The following USH2A variants were observed in gnomAD, a reference collection of about 807,000 sequenced individuals.
The protein encoded by USH2A is usherin.
Under a neutral mutation model 538.9 loss-of-function variants are expected in USH2A, and 443 were observed. The observed-to-expected ratio is 0.82, with a 90% CI of 0.76 to 0.89. USH2A has a LOEUF of 0.89. Ranked by LOEUF, USH2A falls within the 40% of genes least tolerant of loss-of-function variation. The pLI is 0.00. For synonymous variants in USH2A, 2,413 were observed against 2,273.5 expected (o/e 1.06, Z -1.75); for missense variants, 6,633 against 6,324.8 (o/e 1.05, Z -1.65).
intron 50 of USH2A, among the ~76,000 whole-genome samples, chr1:215,791,200 G>A (rs530628375): frequency 5.3e-4 from 80 of 152,256 alleles, no homozygotes; most frequent in African/African-American, 1.9e-3. Flanking sequence ...AATCAAGGTG[G>A]CTATACTGCA....
At chr1:216,221,304 A>C (rs2035453813) in intron 14 of USH2A, among the ~76,000 whole-genome samples, 1 of 152,156 alleles carries the variant, frequency 6.6e-6, no homozygotes, top group Admixed American at 6.6e-5. Flanking sequence ...CTCTTAAACC[A>C]GTGTTCTCAG....
intron 32 of USH2A, among the ~76,000 whole-genome samples, chr1:216,027,387 C>A (rs1277715841): frequency 6.6e-6 from 1 of 152,118 alleles, no homozygotes; most frequent in Non-Finnish European, 1.5e-5. Context: ...CTTCTAGCAC[C>A]CAGAACTGTA....
intron 21 of USH2A, among the ~76,000 whole-genome samples, chr1:216,154,685 C>T (rs2102623306): frequency 6.6e-6 from 1 of 152,260 alleles, no homozygotes; most frequent in Non-Finnish European, 1.5e-5. Context: ...CTGCTGATCT[C>T]CTTTTTGTCA....
At chr1:216,170,306 A>C (rs967770018) in intron 21 of USH2A, among the ~76,000 whole-genome samples, 1 of 152,134 alleles carries the variant, frequency 6.6e-6, no homozygotes, top group African/African-American at 2.4e-5. Context: ...AAAGCATTTT[A>C]GTTCAACCAT....
chr1:216,239,028 G>C (rs1204973938), intron 13 of USH2A, among the ~76,000 whole-genome samples: 1 of 150,762 alleles, frequency 6.6e-6, no homozygotes, highest in Non-Finnish European at 1.5e-5. Flanking sequence ...GCAAACATCT[G>C]TTTATGATAA....
chr1:216,192,374 T>C (rs888775420), intron 19 of USH2A, among the ~76,000 whole-genome samples: 2 of 152,014 alleles, frequency 1.3e-5, no homozygotes, highest in Non-Finnish European at 2.9e-5. Flanking sequence ...CAGAGAATAT[T>C]TGCACAGGAG....
intron 30 of USH2A, among the ~76,000 whole-genome samples, chr1:216,068,504 A>G (rs559185419): frequency 5.6e-4 from 85 of 152,262 alleles, no homozygotes; most frequent in African/African-American, 2.0e-3. Flanking sequence ...TGGGCAGGGC[A>G]GGAGAATGTG....
At chr1:216,091,690 T>A (rs1451497998) in intron 22 of USH2A, among the ~76,000 whole-genome samples, 1 of 152,202 alleles carries the variant, frequency 6.6e-6, no homozygotes, top group East Asian at 1.9e-4. Flanking sequence ...AATTTAATAC[T>A]CAATTTTATT....
At chr1:215,872,454 A>G (rs1664648295) in intron 43 of USH2A, among the ~76,000 whole-genome samples, 1 of 152,138 alleles carries the variant, frequency 6.6e-6, no homozygotes, top group African/African-American at 2.4e-5. Flanking sequence ...ATCTATATCT[A>G]CACTACCAGA....
At chr1:216,392,420 A>G (rs1415491987) in intron 3 of USH2A, among the ~76,000 whole-genome samples, 1 of 143,194 alleles carries the variant, frequency 7.0e-6, no homozygotes, top group Non-Finnish European at 1.5e-5. Flanking sequence ...TGACCCCAAG[A>G]GGCAGAGCTT....
At chr1:215,885,383 C>CT (rs549709459) in intron 41 of USH2A, among the ~76,000 whole-genome samples, 1 of 151,982 alleles carries the variant, frequency 6.6e-6, no homozygotes, top group Non-Finnish European at 1.5e-5. Context: ...ATTTGGTAAT[C>CT]TTTTATTTAG....
chr1:215,794,093 G>A (rs929763352), intron 50 of USH2A, among the ~76,000 whole-genome samples: 11 of 152,080 alleles, frequency 7.2e-5, no homozygotes, highest in Admixed American at 3.9e-4. Flanking sequence ...CTTTCATCCC[G>A]AGATACCTGT....
chr1:216,078,597 G>T (rs1230207841), intron 26 of USH2A, among the ~76,000 whole-genome samples: 1 of 152,122 alleles, frequency 6.6e-6, no homozygotes, highest in Middle Eastern at 3.2e-3. Context: ...ACCTACTAAT[G>T]ATTATAGGAT....
intron 30 of USH2A, among the ~76,000 whole-genome samples, chr1:216,050,674 G>A (rs542755751): frequency 6.1e-4 from 87 of 142,676 alleles, no homozygotes; most frequent in African/African-American, 2.2e-3. Context: ...GTGCGATCTC[G>A]GCTCACTGCA....
intron 64 of USH2A, among the ~76,000 whole-genome samples, chr1:215,652,862 A>G (rs1657123825): frequency 1.3e-5 from 2 of 152,348 alleles, no homozygotes; most frequent in South Asian, 4.1e-4. Context: ...ATTTGAGCGC[A>G]GGCAGAATTT....
intron 38 of USH2A, among the ~76,000 whole-genome samples, chr1:215,917,460 T>C (rs1046652355): frequency 3.3e-5 from 5 of 152,166 alleles, no homozygotes; most frequent in African/African-American, 1.2e-4. Flanking sequence ...TTATTTTTGA[T>C]TCTAATATTG....
intron 3 of USH2A, among the ~76,000 whole-genome samples, chr1:216,375,937 C>G (rs1438986297): frequency 6.6e-6 from 1 of 152,088 alleles, no homozygotes; most frequent in East Asian, 1.9e-4. Flanking sequence ...GAAGAACATT[C>G]TGTCGGTGGA....
chr1:216,108,544 A>G (rs2032791775), intron 21 of USH2A, among the ~76,000 whole-genome samples: 1 of 151,888 alleles, frequency 6.6e-6, no homozygotes, highest in Non-Finnish European at 1.5e-5. Context: ...TATTTCTTCA[A>G]ATATTTTTCT....
At chr1:216,182,483 T>C (rs1256851509) in intron 20 of USH2A, among the ~76,000 whole-genome samples, 1 of 152,090 alleles carries the variant, frequency 6.6e-6, no homozygotes, top group Non-Finnish European at 1.5e-5. Flanking sequence ...GGTCATCACA[T>C]AGTTCAAAAT....
Sources: allele counts gnomAD v4.1 joint callset (sites outside exome capture counted in the v4.1 genomes callset), GRCh38; gene constraint gnomAD v4.1.1; transcripts MANE v1.5; gene names NCBI Gene and HGNC (gene_info 2026-07-23, HGNC 2026-07-21).